CSMD2: variants seen among roughly 807,000 people sequenced by gnomAD.
CSMD2 encodes CUB and Sushi multiple domains 2, also known as CUB and sushi domain-containing protein 2.
Under a neutral mutation model 398.5 loss-of-function variants are expected in CSMD2, and 130 were observed. That is an observed-to-expected ratio of 0.33 (90% CI 0.28 to 0.38). The LOEUF (loss-of-function observed/expected upper bound fraction) is 0.38. CSMD2 is among the 10% of genes least tolerant of loss of function. CSMD2 has a pLI of 1.00. For missense variants in CSMD2, 3,829 were observed against 4,764.9 expected, an observed-to-expected ratio of 0.80 and a Z score of 5.78; for synonymous variants, 1,828 against 1,908.5, an observed-to-expected ratio of 0.96 and a Z score of 1.10.
At chr1:33,816,723 G>A (rs1281569785) in intron 9 of CSMD2, among the ~76,000 whole-genome samples, 6 of 152,068 alleles carry the variant, frequency 3.9e-5, no homozygotes. Context: ...TGATGGGAGG[G>A]AAAGAAAAGA....
chr1:34,160,255 T>G (rs1201890869), intron 1 of CSMD2, among the ~76,000 whole-genome samples: 2 of 152,190 alleles, frequency 1.3e-5, no homozygotes, highest in Non-Finnish European at 2.9e-5. Flanking sequence ...CTAGATATGG[T>G]GGGCACTCTC....
chr1:33,829,756 A>G (rs12097304), intron 6 of CSMD2, among the ~76,000 whole-genome samples: 93,788 of 152,044 alleles, frequency 0.62, 29,534 homozygotes, highest in African/African-American at 0.74. Flanking sequence ...TTTCATGGTC[A>G]AGGAAAGGGG....
At chr1:33,841,634 C>T (rs1185314069) in intron 6 of CSMD2, among the ~76,000 whole-genome samples, 1 of 128,152 alleles carries the variant, frequency 7.8e-6, no homozygotes, top group African/African-American at 2.6e-5. Flanking sequence ...ATAGGCCTAC[C>T]AGAACTGAAA....
chr1:33,709,568 C>T (rs1467194411), intron 21 of CSMD2: 3 of 451,804 alleles, frequency 6.6e-6, no homozygotes, highest in Non-Finnish European at 1.2e-5. Context: ...TATAAAGCAG[C>T]CGTGCCACAT....
intron 43 of CSMD2, among the ~76,000 whole-genome samples, 176 bp from the exon 44 acceptor site, chr1:33,601,186 C>T (rs1405844533): frequency 6.6e-6 from 1 of 151,980 alleles, no homozygotes; most frequent in East Asian, 1.9e-4. Context: ...AACTTGGTCT[C>T]CCAACATAGT....
chr1:33,590,078 T>G (rs1210435238), intron 44 of CSMD2, among the ~76,000 whole-genome samples: 1 of 152,002 alleles, frequency 6.6e-6, no homozygotes, highest in African/African-American at 2.4e-5. Context: ...GTACTTTATA[T>G]TTTGTGATTA....
At chr1:33,541,487 G>T (rs1409821460) in intron 58 of CSMD2, among the ~76,000 whole-genome samples, 178 bp from the exon 59 acceptor site, 2 of 151,868 alleles carry the variant, frequency 1.3e-5, no homozygotes, top group African/African-American at 4.8e-5. Flanking sequence ...TTTTTTTTAA[G>T]TCAGGGTCTT....
At position 33,824,580 on chromosome 1, in the gene CSMD2, T is replaced by A. The variant is rs191294567; in HGVS notation, c.1111+1117A>T. On this transcript the variant is annotated intron_variant, in intron 7 of 70. Transcript: ENST00000373381. ...CCGGCCACACACATCGGCACAGAGCTCGAAAACCACCGGTGCCACTCTATG... is the reference window on the plus strand; with the variant it reads ...CCGGCCACACACATCGGCACAGAGCACGAAAACCACCGGTGCCACTCTATG... Among the ~76,000 whole-genome samples, 588 of 151,986 alleles carry A rather than the reference T, an allele frequency of 3.9e-3. 4 individuals carry two copies. The highest frequency in any genetic ancestry group is 6.6e-3 in the Non-Finnish European group (449 of 67,986).
At chr1:33,964,977 C>T (rs12131786) in intron 3 of CSMD2, among the ~76,000 whole-genome samples, 7,129 of 152,260 alleles carry the variant, frequency 0.047, 257 homozygotes, top group East Asian at 0.17. Flanking sequence ...ACAAGTAGCA[C>T]ATGGAAAGCA....
chr1:33,634,396 A>G (rs1642669478), intron 31 of CSMD2, among the ~76,000 whole-genome samples: 1 of 152,200 alleles, frequency 6.6e-6, no homozygotes, highest in Non-Finnish European at 1.5e-5. Flanking sequence ...GGGAATAAGG[A>G]GCTGGCTCTC....
At chr1:33,611,808 T>TA (rs1641026005) in intron 40 of CSMD2, among the ~76,000 whole-genome samples, 1 of 152,214 alleles carries the variant, frequency 6.6e-6, no homozygotes, top group South Asian at 2.1e-4. Context: ...ACAGGTTAAA[T>TA]AAATCTAATT....
chr1:33,674,220 G>A (rs1222839087), intron 25 of CSMD2, among the ~76,000 whole-genome samples: 5 of 152,238 alleles, frequency 3.3e-5, no homozygotes, highest in African/African-American at 9.6e-5. Context: ...CCTATCTCAC[G>A]TGCAGAGACA....
intron 1 of CSMD2, among the ~76,000 whole-genome samples, chr1:34,151,636 G>A (rs868467696): frequency 6.6e-5 from 10 of 152,036 alleles, no homozygotes; most frequent in African/African-American, 1.4e-4. Context: ...GGAGAGAGGC[G>A]GAAGGAACAA....
At chr1:33,764,652 C>T (rs748044878) in intron 13 of CSMD2, among the ~76,000 whole-genome samples, 1 of 152,200 alleles carries the variant, frequency 6.6e-6, no homozygotes, top group South Asian at 2.1e-4. Context: ...AAGCTCACAC[C>T]GATCACGGTC....
chr1:33,648,456 C>T (rs927222328), intron 28 of CSMD2, among the ~76,000 whole-genome samples: 1 of 151,108 alleles, frequency 6.6e-6, no homozygotes, highest in African/African-American at 2.4e-5. Context: ...GGAGATGGAA[C>T]ATGGATTTAC....
At chr1:33,784,825 T>C (rs1653319810) in intron 12 of CSMD2, among the ~76,000 whole-genome samples, 1 of 152,198 alleles carries the variant, frequency 6.6e-6, no homozygotes, top group Non-Finnish European at 1.5e-5. Flanking sequence ...CTTTGAGATC[T>C]CATTTCACTC....
chr1:33,572,394 T>G (rs374812992), intron 50 of CSMD2, 112 bp downstream of exon 50: 2 of 262,820 alleles, frequency 7.6e-6, no homozygotes, highest in Non-Finnish European at 1.0e-5. Context: ...TGTCCATGTT[T>G]TTTTTTTTTT....
intron 5 of CSMD2, among the ~76,000 whole-genome samples, chr1:33,907,657 C>A (rs1001078421): frequency 1.3e-5 from 2 of 152,090 alleles, no homozygotes; most frequent in African/African-American, 4.8e-5. Context: ...CCCAAATGAC[C>A]CAAACTGTTG....
Position 33,633,450 on chromosome 1 carries a change from G to C in CSMD2, c.5172C>G (p.Leu1724=). ...VHDGHSQHSR[L]LSSLSGSHTG... Reference sequence around the variant, plus strand: ...TATGGGAGCCCGAGAGGGAGCTGAGGAGCCGCGAGTGCTGGCTGTGGCCGT... The same window carrying C: ...TATGGGAGCCCGAGAGGGAGCTGAGCAGCCGCGAGTGCTGGCTGTGGCCGT... Residue 1724 remains leucine (L), a synonymous_variant, in exon 32 of 71, where the codon CTC becomes CTG. Transcript: ENST00000373381. The surrounding 1 kb of genome is among the most constrained non-coding windows in gnomAD (Gnocchi z 5.0). The C allele has an allele frequency of 6.4e-7, 1 of 1,553,860 alleles. No homozygotes were observed. The highest frequency in any genetic ancestry group is 1.2e-5 in the South Asian group (1 of 84,158).
Sources: allele counts gnomAD v4.1 joint callset (sites outside exome capture counted in the v4.1 genomes callset), GRCh38; gene constraint gnomAD v4.1.1; non-coding constraint Gnocchi (gnomAD v3.1); transcripts MANE v1.5; gene names NCBI Gene and HGNC (gene_info 2026-07-23, HGNC 2026-07-21).